The following CRACD variants were observed in gnomAD, a reference collection of about 807,000 sequenced individuals.
CRACD encodes the protein capping protein inhibiting regulator of actin dynamics.
CRACD carries 56 observed loss-of-function variants against 106.8 expected under a neutral mutation model. That is an observed-to-expected ratio of 0.52 (90% CI 0.42 to 0.66). The LOEUF (loss-of-function observed/expected upper bound fraction) is 0.66, where lower values mean the gene tolerates loss of function less well. Ranked by LOEUF, CRACD falls within the 30% of genes least tolerant of loss-of-function variation. The probability of loss-of-function intolerance (pLI) is 0.00; values close to 1 mark genes in which losing one functional copy is unlikely to be tolerated. For missense variants in CRACD, 1,730 were observed against 1,623.2 expected, an observed-to-expected ratio of 1.07 and a Z score of -1.13; for synonymous variants, 754 against 670.8, an observed-to-expected ratio of 1.12 and a Z score of -1.92.
chr4:56,295,800 G>A (rs568439978), intron 3 of CRACD, among the ~76,000 whole-genome samples: 39 of 151,178 alleles, frequency 2.6e-4, no homozygotes, highest in African/African-American at 9.5e-4. Flanking sequence ...AAGAAGTTTA[G>A]ACAGAGAATA....
chr4:56,132,807 A>G (rs1237371619), intron 1 of CRACD, among the ~76,000 whole-genome samples: 6 of 152,184 alleles, frequency 3.9e-5, no homozygotes, highest in Non-Finnish European at 8.8e-5. Context: ...ATTTATTTTT[A>G]TTAGATGCTC....
At chr4:56,129,254 G>C (rs111334529) in intron 1 of CRACD, among the ~76,000 whole-genome samples, 5,237 of 152,240 alleles carry the variant, frequency 0.034, 142 homozygotes, top group South Asian at 0.067. Flanking sequence ...TATTTGTAGA[G>C]ATGGGGGCTC....
At chr4:56,294,965 GAA>G (rs1407993745) in intron 3 of CRACD, among the ~76,000 whole-genome samples, 1 of 109,888 alleles carries the variant, frequency 9.1e-6, no homozygotes, top group Non-Finnish European at 2.0e-5. Flanking sequence ...AGAAAAGAAA[GAA>G]AGAAAAAAAC....
At chr4:56,058,749 T>C (rs903791938) in intron 1 of CRACD, among the ~76,000 whole-genome samples, 5 of 152,250 alleles carry the variant, frequency 3.3e-5, no homozygotes, top group African/African-American at 1.2e-4. Flanking sequence ...GTGATTAGCA[T>C]CTTAAAGATG....
intron 1 of CRACD, among the ~76,000 whole-genome samples, chr4:56,155,527 C>T (rs1161338238): frequency 6.6e-6 from 1 of 152,116 alleles, no homozygotes; most frequent in Non-Finnish European, 1.5e-5. Context: ...AACTATTTGC[C>T]AGGTACTGTT....
intron 2 of CRACD, among the ~76,000 whole-genome samples, chr4:56,246,194 C>T (rs1740671230): frequency 6.6e-6 from 1 of 152,156 alleles, no homozygotes; most frequent in Non-Finnish European, 1.5e-5. Flanking sequence ...CTTGAGTTGC[C>T]ATTTTTCTAT....
intron 4 of CRACD, among the ~76,000 whole-genome samples, chr4:56,304,280 C>T (rs1744539136): frequency 6.6e-6 from 1 of 150,988 alleles, no homozygotes; most frequent in Non-Finnish European, 1.5e-5. Context: ...CTCTGCTTTG[C>T]ACCAGGCACC....
intron 1 of CRACD, among the ~76,000 whole-genome samples, chr4:56,067,177 T>C (rs1237667523): frequency 1.3e-5 from 2 of 151,036 alleles, no homozygotes; most frequent in African/African-American, 2.4e-5. Context: ...GAATAGAAAA[T>C]GGGAATCCAG....
chr4:56,172,769 G>A (rs1308798658), intron 1 of CRACD, among the ~76,000 whole-genome samples: 3 of 152,010 alleles, frequency 2.0e-5, no homozygotes, highest in Non-Finnish European at 4.4e-5. Flanking sequence ...GACTACAGTT[G>A]CGTGCCACCA....
chr4:56,318,225 G>T (rs1182022983), intron 8 of CRACD, among the ~76,000 whole-genome samples: 1 of 152,006 alleles, frequency 6.6e-6, no homozygotes, highest in East Asian at 1.9e-4. Context: ...TTGAACTCCT[G>T]GGATCATGCA....
chr4:56,152,429 A>G (rs1735614116), intron 1 of CRACD, among the ~76,000 whole-genome samples: 2 of 151,518 alleles, frequency 1.3e-5, no homozygotes, highest in South Asian at 4.2e-4. Context: ...AGGCCAGGAG[A>G]TTGAGACCAG....
intron 3 of CRACD, among the ~76,000 whole-genome samples, chr4:56,292,309 G>A (rs1743740072): frequency 6.6e-6 from 1 of 152,174 alleles, no homozygotes; most frequent in Non-Finnish European, 1.5e-5. Context: ...CAAGGAGGGG[G>A]ACCTTAGGAA....
At chr4:56,212,724 G>T (rs115039865) in intron 2 of CRACD, among the ~76,000 whole-genome samples, 1 of 152,098 alleles carries the variant, frequency 6.6e-6, no homozygotes, top group African/African-American at 2.4e-5. Context: ...AGAAACAAAG[G>T]GGGGAGAACA....
At chr4:56,289,052 G>A (rs1743546296) in intron 3 of CRACD, among the ~76,000 whole-genome samples, 1 of 152,152 alleles carries the variant, frequency 6.6e-6, no homozygotes, top group African/African-American at 2.4e-5. Flanking sequence ...CCATTTAAAG[G>A]AAGTACCTGA....
At chr4:56,067,757 G>T (rs1355994589) in intron 1 of CRACD, among the ~76,000 whole-genome samples, 1 of 152,098 alleles carries the variant, frequency 6.6e-6, no homozygotes, top group African/African-American at 2.4e-5. Context: ...TGTATTTTTA[G>T]TAGAGATGGG....
intron 2 of CRACD, among the ~76,000 whole-genome samples, chr4:56,183,820 T>C (rs931596510): frequency 1.3e-5 from 2 of 152,218 alleles, no homozygotes; most frequent in African/African-American, 4.8e-5. Flanking sequence ...GAAGGTGTCA[T>C]GTGAGCCTGG....
At chr4:56,281,560 G>T (rs1293584601) in intron 3 of CRACD, among the ~76,000 whole-genome samples, 1 of 143,648 alleles carries the variant, frequency 7.0e-6, no homozygotes, top group East Asian at 2.0e-4. Context: ...TTATTAGGAG[G>T]ACAAAAATGC....
Position 56,151,397 on chromosome 4 carries a change from C to G in CRACD, c.-335-27887C>G, listed in dbSNP as rs1055039262. On this transcript the variant is annotated intron_variant, in intron 1 of 10. Transcript: ENST00000682029. ...CAGGCTTATTATTATAACGCATTGC[C>G]TTTTTTTTTTAACAGTCTCAAATTT... 6.1e-5 allele frequency among the ~76,000 whole-genome samples: 9 copies of G among 147,706 alleles called. No individual in the cohort carries two copies. In the Admixed American group the frequency reaches 6.1e-4, roughly 10 times the overall value.
chr4:56,091,629 G>A (rs922194615), intron 1 of CRACD, among the ~76,000 whole-genome samples: 1 of 152,116 alleles, frequency 6.6e-6, no homozygotes, highest in African/African-American at 2.4e-5. Flanking sequence ...GGCGTTTGAG[G>A]AGGTTTTGCT....
Sources: gnomAD v4.1 joint callset for allele counts (sites outside exome capture counted in the v4.1 genomes callset) on GRCh38, gnomAD v4.1.1 for gene constraint, MANE v1.5 for transcripts, NCBI Gene and HGNC (gene_info 2026-07-23, HGNC 2026-07-21) for gene names.